The following ITPR2 variants were observed in gnomAD, a reference collection of about 807,000 sequenced individuals.
The protein encoded by ITPR2 is inositol 1,4,5-trisphosphate-gated calcium channel ITPR2.
A neutral mutation model predicts 317.1 loss-of-function variants in ITPR2; 207 were observed. The observed-to-expected ratio is 0.65, with a 90% confidence interval of 0.58 to 0.73. The LOEUF is 0.73. ITPR2 is among the 30% of genes least tolerant of loss of function. The probability of loss-of-function intolerance (pLI) is 0.00; values close to 1 mark genes in which losing one functional copy is unlikely to be tolerated. For missense variants in ITPR2, 2,613 were observed against 3,284.0 expected, an observed-to-expected ratio of 0.80 and a Z score of 4.99; for synonymous variants, 1,156 against 1,149.1, an observed-to-expected ratio of 1.01 and a Z score of -0.12.
At chr12:26,497,768 T>C (rs1942975707) in intron 37 of ITPR2, among the ~76,000 whole-genome samples, 1 of 149,452 alleles carries the variant, frequency 6.7e-6, no homozygotes, top group African/African-American at 2.5e-5. Context: ...TGGAGTGCAG[T>C]GGTACAATCT....
intron 35 of ITPR2, among the ~76,000 whole-genome samples, 181 bp from the exon 36 acceptor site, chr12:26,556,556 A>AC (rs1944665045): frequency 1.5e-5 from 2 of 133,796 alleles, no homozygotes. Context: ...CTGGGTCTCT[A>AC]TTTTTTTTTT....
At chr12:26,810,749 T>C (rs1264522328) in intron 1 of ITPR2, among the ~76,000 whole-genome samples, 1 of 152,244 alleles carries the variant, frequency 6.6e-6, no homozygotes, top group Non-Finnish European at 1.5e-5. Flanking sequence ...TAACTGTGTT[T>C]AGTATTTCAC....
chr12:26,381,944 A>T (rs1939521791), intron 55 of ITPR2, among the ~76,000 whole-genome samples: 1 of 152,192 alleles, frequency 6.6e-6, no homozygotes, highest in South Asian at 2.1e-4. Context: ...AACACTGGTA[A>T]TCTGAAAATG....
At chr12:26,472,953 C>T (rs1284564088) in intron 45 of ITPR2, among the ~76,000 whole-genome samples, 1 of 152,048 alleles carries the variant, frequency 6.6e-6, no homozygotes, top group African/African-American at 2.4e-5. Context: ...GTGGAGTGAT[C>T]TAGGCTCACT....
At chr12:26,708,767 T>C (rs970348059) in intron 9 of ITPR2, among the ~76,000 whole-genome samples, 5 of 152,274 alleles carry the variant, frequency 3.3e-5, no homozygotes, top group African/African-American at 9.6e-5. Context: ...AATTGGAATG[T>C]TCCTAATACA....
chr12:26,561,828 C>G lies in ITPR2; in HGVS notation c.4755G>C (p.Gly1585=). The change falls in exon 35 of 57, where the codon GGG becomes GGC. Residue 1585 remains glycine, a synonymous_variant. Transcript: ENST00000381340. ...AMGWRLSARS[G]PRFKEALGGP... is the part of the protein sequence containing the mutation. ...CTCCAAGAGCTTCCTTAAAGCGTGG[C>G]CCAGAGCGAGCTGATAGTCTCCAAC... 6.3e-7 allele frequency: 1 copy of G among 1,596,232 alleles called. No homozygotes were observed. The highest frequency in any genetic ancestry group is 8.5e-7 in the Non-Finnish European group (1 of 1,175,560).
At chr12:26,452,605 T>C (rs1233139335) in intron 45 of ITPR2, among the ~76,000 whole-genome samples, 1 of 152,186 alleles carries the variant, frequency 6.6e-6, no homozygotes, top group African/African-American at 2.4e-5. Flanking sequence ...GAGGGATTAA[T>C]GCTGCTCCTG....
At chr12:26,423,523 G>C (rs1226851335) in intron 49 of ITPR2, among the ~76,000 whole-genome samples, 1 of 152,000 alleles carries the variant, frequency 6.6e-6, no homozygotes, top group Non-Finnish European at 1.5e-5. Flanking sequence ...AAGTTTAAAA[G>C]ATCTTTTTGT....
chr12:26,581,467 G>C (rs934587067), intron 32 of ITPR2, among the ~76,000 whole-genome samples: 4 of 152,088 alleles, frequency 2.6e-5, no homozygotes, highest in Non-Finnish European at 4.4e-5. Flanking sequence ...GCAATTAACG[G>C]AAATAAATTA....
rs140942660 is a variant in ITPR2, at chr12:26,713,222, C to A, written c.856-1954G>T. On this transcript the variant is annotated intron_variant, in intron 8 of 56. Transcript: ENST00000381340. ...TGCATTCAGATAAGCCCATGTCCCC[C>A]ACTCCACATTTCCTCCCCAGCCCTT... Among the ~76,000 whole-genome samples the A allele has an allele frequency of 5.4e-4, 83 of 152,312 alleles. 4 individuals carry two copies. The East Asian group carries it at 0.016, about 29-fold the overall frequency.
chr12:26,428,029 T>G lies in ITPR2; in HGVS notation c.6829A>C (p.Met2277Leu), dbSNP rs767009803. ...LWIAVAICTS[M>L]LFFFSKPVGI... ...ACAGGCTTGGAGAAGAAAAACAGCA[T>G]AGATGTGCAGATCGCAACTGCTATC... Residue 2277 changes from methionine to leucine, a missense_variant, in exon 49 of 57, where the codon ATG becomes CTG. By Grantham distance (15) the Met-to-Leu change is conservative. Coordinates refer to ENST00000381340, the MANE Select transcript of ITPR2 (RefSeq NM_002223.4). The G allele has an allele frequency of 1.2e-6, 2 of 1,612,840 alleles. No homozygotes were observed. Among genetic ancestry groups the G allele is most frequent in the Non-Finnish European group, 1.7e-6 (2 of 1,179,366 alleles).
intron 2 of ITPR2, among the ~76,000 whole-genome samples, chr12:26,787,787 T>C (rs913629815): frequency 1.3e-5 from 2 of 152,158 alleles, no homozygotes; most frequent in African/African-American, 4.8e-5. Flanking sequence ...TATGAGACTA[T>C]GGGCAGAGCA....
chr12:26,617,872 A>T (rs1946407405), intron 26 of ITPR2, among the ~76,000 whole-genome samples: 1 of 152,210 alleles, frequency 6.6e-6, no homozygotes, highest in Non-Finnish European at 1.5e-5. Context: ...TTCTACAGAA[A>T]GTATTAGTAA....
intron 1 of ITPR2, among the ~76,000 whole-genome samples, chr12:26,808,971 A>C (rs922763825): frequency 6.6e-6 from 1 of 152,200 alleles, no homozygotes; most frequent in Non-Finnish European, 1.5e-5. Flanking sequence ...TAACAACTGG[A>C]GTCTTAACCA....
intron 37 of ITPR2, among the ~76,000 whole-genome samples, chr12:26,533,920 CTG>C (rs145356117): frequency 0.015 from 2,329 of 152,314 alleles, 56 homozygotes; most frequent in African/African-American, 0.052. Context: ...ATTTCTTCCT[CTG>C]TGTCTTCCCA....
Position 26,733,477 on chromosome 12 carries a change from T to C in ITPR2, c.164-7712A>G, listed in dbSNP as rs559217508. Among the ~76,000 whole-genome samples the C allele has an allele frequency of 3.5e-4, 53 of 152,264 alleles. 1 individual carries two copies. The South Asian group carries it at 7.7e-3, about 22-fold the overall frequency. ...TACATATACATATGTGCCACAGTTATAATACTTAAAAAGAAACTAATGAGT... is the reference window on the plus strand; with the variant it reads ...TACATATACATATGTGCCACAGTTACAATACTTAAAAAGAAACTAATGAGT... On this transcript the variant is annotated intron_variant, in intron 2 of 56. Coordinates refer to ENST00000381340, the MANE Select transcript of ITPR2 (RefSeq NM_002223.4).
Position 26,439,213 on chromosome 12 carries a change from C to T in ITPR2, c.6557G>A (p.Arg2186Lys). 1 of 1,613,132 alleles carries T rather than the reference C, an allele frequency of 6.2e-7. No individual in the cohort carries two copies. The highest frequency in any genetic ancestry group is 1.3e-5 in the African/African-American group (1 of 75,012). The change falls in exon 47 of 57, where the codon AGG becomes AAG. Residue 2186 changes from arginine to lysine, a missense_variant. Arg to Lys is a conservative substitution (Grantham distance 26). Around this residue, in one of 9 missense-constraint regions of ITPR2, gnomAD observed 926 missense variants for 1,072.8 expected, o/e 0.86. Transcript: ENST00000381340. ...SKCRVFNTTE[R>K]DEQGSKVNDF... ...ATTCACTTTACTTCCTTGTTCATCC[C>T]TTTCAGTTGTATTGAACACACGGCA...
At chr12:26,765,754 T>G (rs1049336569) in intron 2 of ITPR2, among the ~76,000 whole-genome samples, 1 of 152,112 alleles carries the variant, frequency 6.6e-6, no homozygotes, top group Non-Finnish European at 1.5e-5. Context: ...TTTAGAACAT[T>G]TTTATCAATT....
chr12:26,343,918 C>T (rs1938218106), intron 55 of ITPR2, among the ~76,000 whole-genome samples: 1 of 152,012 alleles, frequency 6.6e-6, no homozygotes, highest in Non-Finnish European at 1.5e-5. Flanking sequence ...AATGCTTGTC[C>T]CCTCCAAAAT....
Sources: gnomAD v4.1 joint callset for allele counts (sites outside exome capture counted in the v4.1 genomes callset) on GRCh38, gnomAD v4.1.1 for gene constraint, gnomAD v4.1.1 regional missense constraint, MANE v1.5 for transcripts, NCBI Gene and HGNC (gene_info 2026-07-23, HGNC 2026-07-21) for gene names.